Variants in EEF1D observed in about 807,000 individuals in gnomAD.
EEF1D encodes the protein eukaryotic translation elongation factor 1 delta, also known as elongation factor 1-delta.
A neutral mutation model predicts 63.9 loss-of-function variants in EEF1D; 47 were observed. That is an observed-to-expected ratio of 0.74 (90% CI 0.58 to 0.94). The LOEUF (loss-of-function observed/expected upper bound fraction) is 0.94. EEF1D is among the 40% of genes least tolerant of loss of function. The probability of loss-of-function intolerance (pLI) is 0.00; values close to 1 mark genes in which losing one functional copy is unlikely to be tolerated. For synonymous variants in EEF1D, 412 were observed against 386.1 expected (o/e 1.07, Z -0.79); for missense variants, 907 against 899.0 (o/e 1.01, Z -0.11).
intron 4 of EEF1D, 74 bp from the exon 5 acceptor site, chr8:143,586,364 A>G: frequency 7.7e-7 from 1 of 1,306,564 alleles, no homozygotes; most frequent in Non-Finnish European, 1.0e-6. Flanking sequence ...CAAACCAAAA[A>G]ACCCCATGAA....
In EEF1D at chr8:143,589,010, C is replaced by G. The variant is rs746820089; in HGVS notation, c.1072G>C (p.Val358Leu). ...TCCTACTTGGGTCTCAGGCTGGACA[C>G]GGACAGGCCAGACCGAGGACCGGGT... ...HRPGPRSGLS[V>L]SSLRPNRKMA... Residue 358 changes from valine (V) to leucine (L), a missense_variant, in exon 3 of 10, where the codon GTG becomes CTG. Transcript: ENST00000618139. The G allele has an allele frequency of 1.3e-6, 2 of 1,598,076 alleles. No homozygotes were observed. The highest frequency in any genetic ancestry group is 2.7e-5 in the African/African-American group (2 of 74,988).
chr8:143,581,429 TC>T, intron 5 of EEF1D, 101 bp from the exon 6 acceptor site: 1 of 1,092,358 alleles, frequency 9.2e-7, no homozygotes. Context: ...AAACTACAGC[TC>T]GGGAGAGCAG....
At position 143,589,518 on chromosome 8, in the gene EEF1D, G is replaced by A. The variant is rs757131023; in HGVS notation, c.564C>T (p.Pro188=). 3.8e-5 allele frequency: 57 copies of A among 1,507,240 alleles called. No homozygotes were observed. Among genetic ancestry groups the A allele is most frequent in the South Asian group, 3.3e-4 (25 of 75,632 alleles). 93.4% of individuals were successfully genotyped at this position (1,507,240 alleles called of 1,614,324 possible). The change falls in exon 3 of 10, where the codon CCC becomes CCT. Residue 188 remains proline (P), a synonymous_variant. Coordinates refer to ENST00000618139, the MANE Select transcript of EEF1D (RefSeq NM_001130053.5). ...GAGTCCCCTGCCTGCGGCTGCCGTC[G>A]GGGGCCAGCAACAGGGCCTGAGACC... ...VEWSQALLLA[P]DGSRRQGTPN...
rs1043623239 is a variant in EEF1D, at chr8:143,597,380, G to A, written c.-47C>T. Reference sequence around the variant, plus strand: ...CCAAGGACGCGGCGACCAAGGAGGAGGAATCGGCGGACGCGGGAAGACTGA... The same window carrying A: ...CCAAGGACGCGGCGACCAAGGAGGAAGAATCGGCGGACGCGGGAAGACTGA... On this transcript the variant is annotated 5_prime_UTR_variant, in exon 1 of 10. Transcript: ENST00000618139. 6.6e-6 allele frequency: 1 copy of A among 152,098 alleles called. No individual in the cohort carries two copies. Among genetic ancestry groups the A allele is most frequent in the Non-Finnish European group, 1.5e-5 (1 of 68,008 alleles). 9.4% of individuals were successfully genotyped at this position (152,098 alleles called of 1,614,324 possible).
intron 2 of EEF1D, chr8:143,590,419 T>C: frequency 3.1e-6 from 2 of 645,050 alleles, no homozygotes; most frequent in Admixed American, 7.0e-5. Flanking sequence ...TGAGACATAC[T>C]TACACTAAAA....
At chr8:143,590,563 C>G in intron 2 of EEF1D, 1 of 1,100,778 alleles carries the variant, frequency 9.1e-7, no homozygotes, top group Non-Finnish European at 1.1e-6. Flanking sequence ...TGTGGCTGTC[C>G]TGGCCACACC....
chr8:143,581,164 C>A lies in EEF1D; in HGVS notation c.1388-10G>T. On this transcript the variant is annotated splice_polypyrimidine_tract_variant and intron_variant, in intron 6 of 9. Transcript: ENST00000618139. ...TGCAGCTCCTGTACCACTGGGGGGGCAAGGGGAGCACGGTTAGATGGCAGG... is the reference window on the plus strand; with the variant it reads ...TGCAGCTCCTGTACCACTGGGGGGGAAAGGGGAGCACGGTTAGATGGCAGG... 1 of 1,612,882 alleles carries A rather than the reference C, an allele frequency of 6.2e-7. No homozygotes were observed. The highest frequency in any genetic ancestry group is 8.5e-7 in the Non-Finnish European group (1 of 1,179,918).
intron 5 of EEF1D, 193 bp from the exon 6 acceptor site, chr8:143,581,521 CCAGG>C: frequency 1.7e-6 from 1 of 599,096 alleles, no homozygotes; most frequent in Non-Finnish European, 3.0e-6. Context: ...AAATTCTCAG[CCAGG>C]CAAAGTCCAG....
In EEF1D at chr8:143,581,073, G is replaced by C; in HGVS notation, c.1469C>G (p.Ala490Gly). The C allele has an allele frequency of 6.2e-7, 1 of 1,612,042 alleles. No homozygotes were observed. Among genetic ancestry groups the C allele is most frequent in the South Asian group, 1.1e-5 (1 of 91,034 alleles). Residue 490 changes from alanine (A) to glycine (G), a missense_variant, in exon 7 of 10, where the codon GCC (alanine) becomes GGC (glycine). Coordinates refer to ENST00000618139, the MANE Select transcript of EEF1D (RefSeq NM_001130053.5). ...ATTCACCTGGGTCTGTGGGGCCGTG[G>C]CCCGGTGGCCAGGCGAGCTCTTCTC... The part of the protein sequence containing the change: ...VLEKSSPGHR[A>G]TAPQTQHVSP...
rs368294919 is a variant in EEF1D, at chr8:143,589,187, G to A, written c.895C>T (p.Pro299Ser). ...AAGTAACAGTAGGGCAAGGCAGAGG[G>A]GGCCTCCCCATCGGCCCGTCGCAGC... ...AGLRRADGEAPSALPYCYFLQ... is the reference protein window; with the variant it reads ...AGLRRADGEASSALPYCYFLQ... Residue 299 changes from proline to serine, a missense_variant, in exon 3 of 10, where the codon CCC (proline) becomes TCC (serine). By Grantham distance (74) the Pro-to-Ser change is moderately conservative. Coordinates refer to ENST00000618139, the MANE Select transcript of EEF1D (RefSeq NM_001130053.5). The A allele has an allele frequency of 1.9e-6, 3 of 1,597,086 alleles. No individual in the cohort carries two copies. The highest frequency in any genetic ancestry group is 3.4e-5 in the Admixed American group (2 of 58,638).
intron 2 of EEF1D, 79 bp from the exon 3 acceptor site, chr8:143,590,160 C>CA (rs1159035140): frequency 6.8e-7 from 1 of 1,468,292 alleles, no homozygotes; most frequent in Admixed American, 1.8e-5. Flanking sequence ...TGCCCACCCT[C>CA]CCCGTGCCCG....
chr8:143,596,121 C>T (rs188567886), intron 1 of EEF1D: 1 of 152,538 alleles, frequency 6.6e-6, no homozygotes, highest in African/African-American at 2.4e-5. Flanking sequence ...CCCAGCAACC[C>T]GGGAGCAAAG....
In EEF1D at chr8:143,589,044, C is replaced by A. The variant is rs1587185415; in HGVS notation, c.1038G>T (p.Leu346=). Residue 346 remains leucine (L), a synonymous_variant, in exon 3 of 10, where the codon CTG becomes CTT. Transcript: ENST00000618139. ...CAGACCGAGGACCGGGTCGGTGAGACAGGGAGGCAGCTTCGAGGCACCAGG... is the reference window on the plus strand; with the variant it reads ...CAGACCGAGGACCGGGTCGGTGAGAAAGGGAGGCAGCTTCGAGGCACCAGG... ...RVAWCLEAAS[L]SHRPGPRSGL... The A allele has an allele frequency of 3.7e-6, 6 of 1,605,562 alleles. No homozygotes were observed. The highest frequency in any genetic ancestry group is 5.1e-6 in the Non-Finnish European group (6 of 1,179,550).
intron 4 of EEF1D, 152 bp from the exon 5 acceptor site, chr8:143,586,442 A>T (rs998005045): frequency 2.6e-5 from 21 of 817,950 alleles, no homozygotes; most frequent in Non-Finnish European, 3.9e-5. Context: ...AAAGCGGGAG[A>T]TGCCTGAGGC....
intron 1 of EEF1D, chr8:143,596,148 C>G (rs1249183617): frequency 6.6e-6 from 1 of 152,624 alleles, no homozygotes; most frequent in Non-Finnish European, 1.5e-5. Context: ...GGGCCTAGTC[C>G]TCCAGAGGAG....
At chr8:143,586,898 T>C in intron 3 of EEF1D, 46 bp from the exon 4 acceptor site, 2 of 1,608,356 alleles carry the variant, frequency 1.2e-6, no homozygotes, top group Non-Finnish European at 1.7e-6. Flanking sequence ...GAAGTGGGCC[T>C]CGGCATCAGG....
chr8:143,596,730 T>G (rs1370207029), intron 1 of EEF1D: 1 of 152,290 alleles, frequency 6.6e-6, no homozygotes, highest in African/African-American at 2.4e-5. Flanking sequence ...CCCCTTTGCC[T>G]TCTTCCTTCC....
At chr8:143,594,822 C>G (rs1029035489) in intron 1 of EEF1D, among the ~76,000 whole-genome samples, 1 of 152,210 alleles carries the variant, frequency 6.6e-6, no homozygotes, top group Non-Finnish European at 1.5e-5. Context: ...GAGGCTGGAG[C>G]CCCTGAGGAA....
chr8:143,582,019 G>C (rs1380257116), intron 5 of EEF1D: 1 of 152,372 alleles, frequency 6.6e-6, no homozygotes, highest in African/African-American at 2.4e-5. Flanking sequence ...CGAAGGACAG[G>C]GTGCACCTGG....
Sources: allele counts gnomAD v4.1 joint callset (sites outside exome capture counted in the v4.1 genomes callset), GRCh38; gene constraint gnomAD v4.1.1; transcripts MANE v1.5; gene names NCBI Gene and HGNC (gene_info 2026-07-23, HGNC 2026-07-21).